The following PLOD2 variants were observed in gnomAD, a reference collection of about 807,000 sequenced individuals.
PLOD2 encodes the protein lysine hydroxylase 2.
In PLOD2, 65 loss-of-function variants were observed where a neutral mutation model predicts 101.0. The ratio of observed to expected loss-of-function variants is 0.64; its 90% confidence interval spans 0.53 to 0.79. The LOEUF is 0.79. Among genes scored for constraint, PLOD2 ranks in the 30% least tolerant of loss-of-function variants. The pLI, the probability that PLOD2 is intolerant of heterozygous loss-of-function variation, is 0.00. For missense variants in PLOD2, 909 were observed against 914.6 expected, an observed-to-expected ratio of 0.99 and a Z score of 0.08; for synonymous variants, 314 against 302.9, an observed-to-expected ratio of 1.04 and a Z score of -0.38.
chr3:146,074,827 T>C (rs1430135283), intron 15 of PLOD2, among the ~76,000 whole-genome samples: 1 of 151,614 alleles, frequency 6.6e-6, no homozygotes, highest in Non-Finnish European at 1.5e-5. Flanking sequence ...GAAATTCTGA[T>C]AATGGGATAA....
rs7639592 is a variant in PLOD2 at position 146,073,161 on chromosome 3, A to G, written c.1743+126T>C. On this transcript the variant is annotated intron_variant, in intron 16 of 19. Coordinates refer to ENST00000282903, the MANE Select transcript of PLOD2 (RefSeq NM_182943.3). The stretch of plus-strand genomic sequence containing the variant: ...TTAATGCTATTTAATCAGTAATTGA[A>G]TCAAATAAATTTTACCTAAAAGGTA... The G allele has an allele frequency of 0.51, 268,099 of 529,816 alleles. 68,432 individuals carry two copies. The highest frequency in any genetic ancestry group is 0.55 in the African/African-American group (28,541 of 51,500). The allele number at this position is 529,816 out of a possible 1,614,324, so 32.8% of individuals were successfully genotyped here.
rs779227000 is a variant in PLOD2 at position 146,160,936 on chromosome 3, G to C, written c.54C>G (p.His18Gln). 1.2e-6 allele frequency: 2 copies of C among 1,601,100 alleles called. No homozygotes were observed. The highest frequency in any genetic ancestry group is 2.3e-5 in the South Asian group (2 of 88,410). Residue 18 changes from histidine (H) to glutamine (Q), a missense_variant, in exon 1 of 20, where the codon CAC becomes CAG. Coordinates refer to ENST00000282903, the MANE Select transcript of PLOD2 (RefSeq NM_182943.3). ...PQLLLLALVL[H>Q]PWNPCLGADS... ...CCGCACCCAGACAGGGATTCCAGGGGTGGAGGACGAGCGCCAGGAGCAGCA... is the reference window on the plus strand; with the variant it reads ...CCGCACCCAGACAGGGATTCCAGGGCTGGAGGACGAGCGCCAGGAGCAGCA...
At chr3:146,085,065 T>C (rs1936706368) in intron 11 of PLOD2, 104 bp downstream of exon 11, 1 of 644,504 alleles carries the variant, frequency 1.6e-6, no homozygotes, top group African/African-American at 1.8e-5. Flanking sequence ...AGAACATAAC[T>C]AAGTTCCCTC....
chr3:146,133,737 G>T (rs1707473), intron 1 of PLOD2, among the ~76,000 whole-genome samples: 76,481 of 151,984 alleles, frequency 0.5, 19,321 homozygotes, highest in East Asian at 0.56. Flanking sequence ...TGATCACACA[G>T]GGCGGGGAGG....
chr3:146,070,889 G>C lies in PLOD2; in HGVS notation c.2122-17C>G, dbSNP rs1301863419. ...ACCACCTCCCTAAAAAAGTTAAAAT[G>C]AAGAAATACATCAGATTATATTTAA... On this transcript the variant is annotated splice_polypyrimidine_tract_variant and intron_variant, in intron 19 of 19. Coordinates refer to ENST00000282903, the MANE Select transcript of PLOD2 (RefSeq NM_182943.3). 8.8e-6 allele frequency: 14 copies of C among 1,592,408 alleles called. No homozygotes were observed. Among genetic ancestry groups the C allele is most frequent in the Non-Finnish European group, 1.1e-5 (13 of 1,162,744 alleles).
chr3:146,155,513 C>T (rs2032262255), intron 1 of PLOD2, among the ~76,000 whole-genome samples: 1 of 151,216 alleles, frequency 6.6e-6, no homozygotes, highest in African/African-American at 2.4e-5. Flanking sequence ...GAGTTCAAGA[C>T]CAGCCTAGCC....
At chr3:146,083,406 T>A (rs904715717) in intron 11 of PLOD2, among the ~76,000 whole-genome samples, 1 of 152,142 alleles carries the variant, frequency 6.6e-6, no homozygotes, top group African/African-American at 2.4e-5. Flanking sequence ...TCTTGCAACA[T>A]TCCTGGCATA....
chr3:146,134,750 C>T (rs73865317), intron 1 of PLOD2, among the ~76,000 whole-genome samples: 1,572 of 152,314 alleles, frequency 0.01, 33 homozygotes, highest in African/African-American at 0.036. Context: ...CCTGCCAATT[C>T]GCATATGAAT....
intron 15 of PLOD2, among the ~76,000 whole-genome samples, chr3:146,075,349 G>C (rs1222449936): frequency 6.6e-6 from 1 of 151,414 alleles, no homozygotes; most frequent in Non-Finnish European, 1.5e-5. Context: ...CTATTGGCAA[G>C]GGGAAAATCA....
chr3:146,083,577 C>CT lies in PLOD2; in HGVS notation c.1232+1591dup, dbSNP rs869301001. 7.3e-3 allele frequency among the ~76,000 whole-genome samples: 553 copies of CT among 75,712 alleles called. 9 individuals are homozygous for CT. Among genetic ancestry groups the CT allele is most frequent in the East Asian group, 0.037 (87 of 2,362 alleles). The allele number at this position is 75,712 out of a possible 152,430, so 49.7% of individuals were successfully genotyped here. A position where few individuals can be genotyped will look rare whatever the true frequency, so the allele number is the denominator to read the frequency against. ...CCCCAGATGGCAGGTAAGTCTTTTTCTTTTTTTTTTTTTTTTTTTTTTGAG... is the reference window on the plus strand; with the variant it reads ...CCCCAGATGGCAGGTAAGTCTTTTTCTTTTTTTTTTTTTTTTTTTTTTTGAG... On this transcript the variant is annotated intron_variant, in intron 11 of 19. Coordinates refer to ENST00000282903, the MANE Select transcript of PLOD2 (RefSeq NM_182943.3).
intron 8 of PLOD2, among the ~76,000 whole-genome samples, chr3:146,091,199 C>T (rs956530933): frequency 6.6e-6 from 1 of 151,804 alleles, no homozygotes; most frequent in African/African-American, 2.4e-5. Context: ...GTGTCAAGAA[C>T]ATACAGTAGT....
At chr3:146,097,464 T>C (rs1937238578) in intron 7 of PLOD2, among the ~76,000 whole-genome samples, 1 of 114,550 alleles carries the variant, frequency 8.7e-6, no homozygotes, top group Non-Finnish European at 1.8e-5. Context: ...AGAAAAATTC[T>C]TCTGCCTTGG....
rs771509742 is a variant in PLOD2, at chr3:146,128,264, T to C, written c.110-4035A>G. 3.3e-5 allele frequency among the ~76,000 whole-genome samples: 5 copies of C among 152,024 alleles called. No individual in the cohort carries two copies. In the South Asian group the frequency reaches 1.0e-3, roughly 32 times the overall value. On this transcript the variant is annotated intron_variant, in intron 1 of 19. Transcript: ENST00000282903. Reference sequence around the variant, plus strand: ...ACCTGCCAACCACTAATACCACCAATCTATAACAGCAAAAGCTATCTCATT... The same window carrying C: ...ACCTGCCAACCACTAATACCACCAACCTATAACAGCAAAAGCTATCTCATT...
At chr3:146,106,107 A>G (rs1937530710) in intron 5 of PLOD2, among the ~76,000 whole-genome samples, 1 of 152,232 alleles carries the variant, frequency 6.6e-6, no homozygotes. Context: ...AGAAGTTTTG[A>G]TAATGTAACC....
chr3:146,094,521 A>G (rs2197908), intron 7 of PLOD2, among the ~76,000 whole-genome samples: 78,449 of 152,034 alleles, frequency 0.52, 20,365 homozygotes, highest in Middle Eastern at 0.56. Context: ...GGAATACAAC[A>G]TACGAGGGAC....
At chr3:146,137,842 G>T (rs531784680) in intron 1 of PLOD2, among the ~76,000 whole-genome samples, 36 of 152,112 alleles carry the variant, frequency 2.4e-4, no homozygotes, top group Non-Finnish European at 5.3e-4. Flanking sequence ...AAAAAAATTG[G>T]TATTTCTGAT....
In PLOD2 at chr3:146,092,001, G is replaced by T. The variant is rs537191268; in HGVS notation, c.778-100C>A. On this transcript the variant is annotated intron_variant, in intron 7 of 19. Transcript: ENST00000282903. ...TTTAAAAGCATGTTTTCTGCAGCAG[G>T]TATATTCCTTTAGTAATTCTACTAA... is the stretch of plus-strand genomic sequence containing the variant. The T allele has an allele frequency of 6.3e-5, 45 of 709,610 alleles. 1 individual carries two copies. The highest frequency in any genetic ancestry group is 5.5e-4 in the East Asian group (20 of 36,462). The allele number at this position is 709,610 out of a possible 1,614,324, so 44.0% of individuals were successfully genotyped here. A position where few individuals can be genotyped will look rare whatever the true frequency, so the allele number is the denominator to read the frequency against.
chr3:146,119,396 G>T (rs902887203), intron 3 of PLOD2, among the ~76,000 whole-genome samples: 1 of 152,036 alleles, frequency 6.6e-6, no homozygotes, highest in Non-Finnish European at 1.5e-5. Flanking sequence ...AGCAGCACAA[G>T]AACTGATTAA....
chr3:146,160,641 A>G, intron 1 of PLOD2: 5 of 543,434 alleles, frequency 9.2e-6, no homozygotes, highest in Non-Finnish European at 1.3e-5. Flanking sequence ...CTGCAGGGAA[A>G]TTCGGGCACG....
Sources: gnomAD v4.1 joint callset for allele counts (sites outside exome capture counted in the v4.1 genomes callset) on GRCh38, gnomAD v4.1.1 for gene constraint, MANE v1.5 for transcripts, NCBI Gene and HGNC (gene_info 2026-07-23, HGNC 2026-07-21) for gene names.